Variants in ECH1 observed in about 807,000 individuals in gnomAD.
The protein encoded by ECH1 is enoyl-CoA hydratase 1.
Under a neutral mutation model 37.0 loss-of-function variants are expected in ECH1, and 30 were observed. The observed-to-expected ratio is 0.81, with a 90% CI of 0.61 to 1.10. ECH1 has a LOEUF of 1.10. Among genes scored for constraint, ECH1 ranks in the 50% least tolerant of loss-of-function variants. The probability of loss-of-function intolerance (pLI) is 0.00; values close to 1 mark genes in which losing one functional copy is unlikely to be tolerated. For missense variants in ECH1, 456 were observed against 441.6 expected, an observed-to-expected ratio of 1.03 and a Z score of -0.29; for synonymous variants, 178 against 176.0, an observed-to-expected ratio of 1.01 and a Z score of -0.09.
In ECH1 at chr19:38,815,960, A is replaced by G. The variant is rs778594450; in HGVS notation, c.779T>C (p.Leu260Pro). 1.2e-5 allele frequency: 19 copies of G among 1,613,972 alleles called. No homozygotes were observed. The highest frequency in any genetic ancestry group is 4.0e-5 in the African/African-American group (3 of 74,930). ...GCTCTTGCTGGAAATCTCGGCCGCCAGCGCTAAGGCAGCATCCAGCATGAC... is the reference window on the plus strand; with the variant it reads ...GCTCTTGCTGGAAATCTCGGCCGCCGGCGCTAAGGCAGCATCCAGCATGAC... Reference protein sequence around the residue: ...KEVMLDAALALAAEISSKSPV... With the variant: ...KEVMLDAALAPAAEISSKSPV... Residue 260 changes from leucine to proline, a missense_variant, in exon 9 of 10, where the codon CTG (leucine) becomes CCG (proline). Transcript: ENST00000221418.
intron 3 of ECH1, among the ~76,000 whole-genome samples, chr19:38,822,346 G>A (rs968135109): frequency 6.6e-6 from 1 of 150,852 alleles, no homozygotes; most frequent in Non-Finnish European, 1.5e-5. Flanking sequence ...GTGGGGACTT[G>A]GAGACTCTTT....
At chr19:38,824,699 T>C (rs910961772) in intron 3 of ECH1, among the ~76,000 whole-genome samples, 20 of 152,312 alleles carry the variant, frequency 1.3e-4, no homozygotes, top group African/African-American at 3.8e-4. Flanking sequence ...TTTCTTTTCA[T>C]GGAGGGAGAA....
chr19:38,824,140 C>T (rs1222802992), intron 3 of ECH1, among the ~76,000 whole-genome samples: 1 of 152,190 alleles, frequency 6.6e-6, no homozygotes, highest in Non-Finnish European at 1.5e-5. Flanking sequence ...CCTTCCCTCC[C>T]TCAGGGTATG....
intron 3 of ECH1, 59 bp downstream of exon 3, chr19:38,831,019 C>T: frequency 1.3e-6 from 2 of 1,500,888 alleles, no homozygotes; most frequent in South Asian, 1.1e-5. Context: ...AAGCACTGCT[C>T]CACTGTCTAT....
intron 3 of ECH1, among the ~76,000 whole-genome samples, chr19:38,824,430 TG>T (rs1971710045): frequency 6.6e-6 from 1 of 152,172 alleles, no homozygotes; most frequent in Non-Finnish European, 1.5e-5. Context: ...CGGGTGGTTT[TG>T]TCTTTCAGAT....
At chr19:38,822,766 G>A (rs557113344) in intron 3 of ECH1, among the ~76,000 whole-genome samples, 1 of 152,296 alleles carries the variant, frequency 6.6e-6, no homozygotes, top group Admixed American at 6.5e-5. Context: ...TCAGCTCTCT[G>A]TAAAACGGAC....
chr19:38,824,003 C>T (rs1431546530), intron 3 of ECH1, among the ~76,000 whole-genome samples: 1 of 152,186 alleles, frequency 6.6e-6, no homozygotes, highest in Non-Finnish European at 1.5e-5. Flanking sequence ...ATTTTACGAT[C>T]CCTCCTCAGA....
chr19:38,815,630 T>C lies in ECH1; in HGVS notation c.970A>G (p.Thr324Ala). ...TTENKELKTVTFSKL is the reference protein window; with the variant it reads ...TTENKELKTVAFSKL ...GAGGGCTCTCAGAGCTTGGAGAAGG[T>C]GACGGTTTTCAGTTCCTTGTTCTCA... The change falls in exon 10 of 10, where the codon ACC becomes GCC. Residue 324 changes from threonine to alanine, a missense_variant. By Grantham distance (58) the Thr-to-Ala change is moderately conservative. Transcript: ENST00000221418. 1 of 1,614,084 alleles carries C rather than the reference T, an allele frequency of 6.2e-7. No homozygotes were observed. The highest frequency in any genetic ancestry group is 1.7e-5 in the Admixed American group (1 of 59,992).
At chr19:38,823,505 C>T (rs1359966907) in intron 3 of ECH1, among the ~76,000 whole-genome samples, 1 of 152,196 alleles carries the variant, frequency 6.6e-6, no homozygotes, top group Non-Finnish European at 1.5e-5. Flanking sequence ...ACTAGCATGG[C>T]CGCTGGACTA....
At chr19:38,830,953 T>TC (rs1971810257) in intron 3 of ECH1, 125 bp downstream of exon 3, 1 of 742,284 alleles carries the variant, frequency 1.3e-6, no homozygotes, top group African/African-American at 2.6e-5. Flanking sequence ...AGACCCCGTC[T>TC]CAAAAAAAAA....
intron 3 of ECH1, chr19:38,820,296 G>C (rs1308320891): frequency 6.6e-6 from 1 of 151,922 alleles, no homozygotes; most frequent in African/African-American, 2.4e-5. Context: ...TCCTGACCTC[G>C]TGATCCGCCT....
Position 38,819,591 on chromosome 19 carries a change from T to C in ECH1, c.350-2016A>G, listed in dbSNP as rs913348038. ...GGCCTGGCGCACACGAGCTGCTCAA[T>C]AAATGATCAATACAGACAACAGTCC... On this transcript the variant is annotated intron_variant, in intron 3 of 9. Transcript: ENST00000221418. Among the ~76,000 whole-genome samples the C allele has an allele frequency of 3.5e-4, 53 of 152,160 alleles. 1 individual carries two copies. The highest frequency in any genetic ancestry group is 3.3e-3 in the Admixed American group (51 of 15,266).
intron 3 of ECH1, among the ~76,000 whole-genome samples, chr19:38,826,765 C>T (rs538294122): frequency 2.6e-4 from 40 of 152,274 alleles, no homozygotes; most frequent in Non-Finnish European, 5.4e-4. Flanking sequence ...GGATAGGCCT[C>T]ATCTGTTTGG....
chr19:38,829,358 G>A (rs1277979498), intron 3 of ECH1, among the ~76,000 whole-genome samples: 1 of 151,502 alleles, frequency 6.6e-6, no homozygotes, highest in East Asian at 2.0e-4. Flanking sequence ...CTATGCAGGA[G>A]GCTGAGGCAG....
chr19:38,831,558 G>C (rs116360855), intron 1 of ECH1, 42 bp from the exon 2 acceptor site: 1 of 1,582,586 alleles, frequency 6.3e-7, no homozygotes, highest in East Asian at 2.3e-5. Context: ...CAGACTGCAA[G>C]ACACAGGCCT....
At chr19:38,821,895 G>C (rs1568358792) in intron 3 of ECH1, among the ~76,000 whole-genome samples, 1 of 152,246 alleles carries the variant, frequency 6.6e-6, no homozygotes, top group South Asian at 2.1e-4. Flanking sequence ...CTGCGGCCCT[G>C]GTGCAGGATC....
chr19:38,819,430 C>T (rs1971629549), intron 3 of ECH1, among the ~76,000 whole-genome samples: 1 of 152,112 alleles, frequency 6.6e-6, no homozygotes, highest in Non-Finnish European at 1.5e-5. Context: ...GCCTTACCTC[C>T]GGGCTGCACA....
chr19:38,816,376 C>G (rs747376939), intron 7 of ECH1, 21 bp from the exon 8 acceptor site: 1 of 1,613,952 alleles, frequency 6.2e-7, no homozygotes, highest in East Asian at 2.2e-5. Context: ...AAGCGTGCAT[C>G]AGGAGGCGGC....
At chr19:38,825,522 G>A (rs1414480714) in intron 3 of ECH1, among the ~76,000 whole-genome samples, 1 of 152,152 alleles carries the variant, frequency 6.6e-6, no homozygotes, top group African/African-American at 2.4e-5. Flanking sequence ...AGCTCCAAAA[G>A]CAAGCCCTGG....
Sources: allele counts gnomAD v4.1 joint callset (sites outside exome capture counted in the v4.1 genomes callset), GRCh38; gene constraint gnomAD v4.1.1; transcripts MANE v1.5; gene names NCBI Gene and HGNC (gene_info 2026-07-23, HGNC 2026-07-21).